The following ZFAT variants were observed in gnomAD, a reference collection of about 807,000 sequenced individuals.
ZFAT encodes the protein zinc finger and AT-hook domain containing, also known as zinc finger protein ZFAT.
A neutral mutation model predicts 117.7 loss-of-function variants in ZFAT; 64 were observed. That is an observed-to-expected ratio of 0.54 (90% CI 0.44 to 0.67). The LOEUF is 0.67. Ranked by LOEUF, ZFAT falls within the 30% of genes least tolerant of loss-of-function variation. ZFAT has a pLI of 0.00. For missense variants in ZFAT, 1,433 were observed against 1,584.5 expected (o/e 0.90, Z 1.62); for synonymous variants, 679 against 615.0 (o/e 1.10, Z -1.54).
At chr8:134,520,684 G>C (rs1820593301) in intron 13 of ZFAT, among the ~76,000 whole-genome samples, 199 bp downstream of exon 13, 1 of 152,120 alleles carries the variant, frequency 6.6e-6, no homozygotes. Flanking sequence ...CCCAGAATAA[G>C]AATTCACAGG....
At position 134,499,406 on chromosome 8, in the gene ZFAT, G is replaced by A. The variant is rs6982635; in HGVS notation, c.3492+10213C>T. Among the ~76,000 whole-genome samples, 1,362 of 144,250 alleles carry A rather than the reference G, an allele frequency of 9.4e-3. 14 individuals carry two copies. The highest frequency in any genetic ancestry group is 0.033 in the African/African-American group (1,296 of 39,174). The allele number at this position is 144,250 out of a possible 152,430, so 94.6% of individuals were successfully genotyped here. A position where few individuals can be genotyped will look rare whatever the true frequency, so the allele number is the denominator to read the frequency against. On this transcript the variant is annotated intron_variant, in intron 15 of 15. Transcript: ENST00000377838. ...GTTGTGGTGGAGCTGGGATGCCCCC[G>A]TTGCTGGTTACACACAGAGCGTGAT... is the stretch of plus-strand genomic sequence containing the variant.
chr8:134,549,390 G>A (rs1220566221), intron 11 of ZFAT, among the ~76,000 whole-genome samples: 6 of 150,346 alleles, frequency 4.0e-5, no homozygotes, highest in African/African-American at 7.3e-5. Flanking sequence ...GCAGTGAGCC[G>A]AGATCACGCC....
the ZFAT span, among the ~76,000 whole-genome samples, chr8:134,734,105 G>C: frequency 6.6e-6 from 1 of 152,246 alleles, no homozygotes; most frequent in South Asian, 2.1e-4. Flanking sequence ...TGACGCTGCT[G>C]TTAGTGTTCT....
chr8:134,665,616 T>C (rs952265844), intron 1 of ZFAT, among the ~76,000 whole-genome samples: 1 of 152,188 alleles, frequency 6.6e-6, no homozygotes, highest in Non-Finnish European at 1.5e-5. Flanking sequence ...ATGCTCATGG[T>C]AACAGTAAAC....
the ZFAT span, chr8:134,786,021 T>C: frequency 1.3e-5 from 2 of 152,206 alleles, no homozygotes; most frequent in Admixed American, 6.5e-5. Flanking sequence ...CTTAGAGTTT[T>C]AATTGTGAAT....
rs148806667 is a variant in ZFAT at position 134,553,178 on chromosome 8, G to A, written c.2976+12155C>T. ...AGACATTCACTGTTAGAAGGAGGCT[G>A]TTTATTAAGAACTCTGGGTGGGAGA... is the stretch of plus-strand genomic sequence containing the variant. On this transcript the variant is annotated intron_variant, in intron 11 of 15. Coordinates refer to ENST00000377838, the MANE Select transcript of ZFAT (RefSeq NM_020863.4). Among the ~76,000 whole-genome samples, 429 of 152,280 alleles carry A rather than the reference G, an allele frequency of 2.8e-3. 3 individuals are homozygous for A. The highest frequency in any genetic ancestry group is 9.8e-3 in the African/African-American group (407 of 41,550).
At chr8:134,828,618 TTATCC>T in the ZFAT span, among the ~76,000 whole-genome samples, 2 of 152,226 alleles carry the variant, frequency 1.3e-5, no homozygotes, top group Admixed American at 1.3e-4. Flanking sequence ...CCTTTCCTCC[TTATCC>T]CCACATGAAG....
the ZFAT span, among the ~76,000 whole-genome samples, chr8:134,786,097 A>G: frequency 7.9e-5 from 12 of 152,214 alleles, no homozygotes; most frequent in African/African-American, 2.9e-4. Flanking sequence ...TAATTCTTGC[A>G]GATTGCTCTT....
At chr8:134,747,701 T>C in the ZFAT span, among the ~76,000 whole-genome samples, 2 of 152,354 alleles carry the variant, frequency 1.3e-5, no homozygotes, top group South Asian at 4.1e-4. Context: ...TGTGATGGAA[T>C]CTAGGCCACT....
At chr8:134,701,687 CTTCT>C (rs1483598001) in intron 1 of ZFAT, among the ~76,000 whole-genome samples, 1 of 152,202 alleles carries the variant, frequency 6.6e-6, no homozygotes, top group Non-Finnish European at 1.5e-5. Context: ...TTGTGTCTGG[CTTCT>C]TTAATACGAC....
chr8:134,626,545 T>C (rs1053635836), intron 3 of ZFAT, among the ~76,000 whole-genome samples: 1 of 152,214 alleles, frequency 6.6e-6, no homozygotes, highest in Non-Finnish European at 1.5e-5. Context: ...GCAGCGTCAC[T>C]GGGGAGCCCA....
chr8:134,764,860 A>G, the ZFAT span: 2 of 152,210 alleles, frequency 1.3e-5, no homozygotes, highest in Non-Finnish European at 2.9e-5. Context: ...TCTACACTTT[A>G]TTATATATCT....
chr8:134,627,635 T>G (rs1020278896), intron 3 of ZFAT, among the ~76,000 whole-genome samples: 1 of 152,112 alleles, frequency 6.6e-6, no homozygotes, highest in African/African-American at 2.4e-5. Context: ...GAAATACAAA[T>G]GCAAGGTATA....
intron 10 of ZFAT, among the ~76,000 whole-genome samples, chr8:134,569,432 T>A (rs1824716216): frequency 6.6e-6 from 1 of 152,118 alleles, no homozygotes; most frequent in Non-Finnish European, 1.5e-5. Flanking sequence ...AAGGAGGAAT[T>A]TATACCAGCA....
chr8:134,637,999 C>A (rs566058772), intron 2 of ZFAT, among the ~76,000 whole-genome samples: 3 of 152,106 alleles, frequency 2.0e-5, no homozygotes, highest in Non-Finnish European at 4.4e-5. Flanking sequence ...TTTTAAGTTG[C>A]GGCTGTCAAC....
At chr8:134,593,670 T>A (rs2130889031) in intron 7 of ZFAT, among the ~76,000 whole-genome samples, 1 of 152,328 alleles carries the variant, frequency 6.6e-6, no homozygotes, top group African/African-American at 2.4e-5. Flanking sequence ...ACAGCCCAGC[T>A]CTCTGCTCCG....
At chr8:134,711,425 T>C (rs1813992499) in intron 1 of ZFAT, among the ~76,000 whole-genome samples, 1 of 152,188 alleles carries the variant, frequency 6.6e-6, no homozygotes, top group Non-Finnish European at 1.5e-5. Context: ...AGCAAGTCTC[T>C]CCGGTGCTCA....
chr8:134,789,065 T>C, the ZFAT span, among the ~76,000 whole-genome samples: 4 of 152,212 alleles, frequency 2.6e-5, no homozygotes, highest in East Asian at 1.9e-4. Context: ...GGTTTCTATT[T>C]TGCAACTTTA....
At chr8:134,545,011 A>G (rs1035268830) in intron 11 of ZFAT, among the ~76,000 whole-genome samples, 4 of 152,206 alleles carry the variant, frequency 2.6e-5, no homozygotes, top group Admixed American at 6.5e-5. Flanking sequence ...ATGAGTCCAC[A>G]GCAACTGAGC....
Sources: gnomAD v4.1 joint callset for allele counts (sites outside exome capture counted in the v4.1 genomes callset) on GRCh38, gnomAD v4.1.1 for gene constraint, MANE v1.5 for transcripts, NCBI Gene and HGNC (gene_info 2026-07-23, HGNC 2026-07-21) for gene names.